CASK: variants seen among roughly 807,000 people sequenced by gnomAD.
CASK encodes calcium/calmodulin dependent serine protein kinase.
In CASK, 4 loss-of-function variants were observed where a neutral mutation model predicts 82.9. The observed-to-expected ratio is 0.05, with a 90% CI of 0.02 to 0.11. The LOEUF is 0.11. Among genes scored for constraint, CASK ranks in the 10% least tolerant of loss-of-function variants. The probability of loss-of-function intolerance (pLI) is 1.00; values close to 1 mark genes in which losing one functional copy is unlikely to be tolerated. For missense variants in CASK, 358 were observed against 720.9 expected (o/e 0.50, Z 5.76); for synonymous variants, 259 against 253.5 (o/e 1.02, Z -0.20).
chrX:41,677,951 C>T (rs996764693), intron 5 of CASK, among the ~76,000 whole-genome samples: 12 of 112,443 alleles, frequency 1.1e-4, no homozygotes, highest in Non-Finnish European at 2.1e-4. Context: ...CTATCCCCAA[C>T]TGTTTACTTT....
Position 41,862,542 on chromosome X carries a change from GAAAAAAAAAAA to G in CASK, c.60-9326_60-9316del, listed in dbSNP as rs35462461. 3.3e-4 allele frequency among the ~76,000 whole-genome samples: 11 copies of G among 32,871 alleles called. No individual in the cohort carries two copies. The South Asian group carries it at 0.012, about 36-fold the overall frequency. The allele number at this position is 32,871 out of a possible 115,157, so 28.5% of individuals were successfully genotyped here. On this transcript the variant is annotated intron_variant, in intron 1 of 26. Transcript: ENST00000378163. ...GGCAACAGAGCAAGGCTCTGTCTCA[GAAAAAAAAAAA>G]AAAAAAAAAAAAAGTGTGTGCTGGG...
chrX:41,605,925 C>T (rs985908406), intron 12 of CASK, among the ~76,000 whole-genome samples: 1 of 111,246 alleles, frequency 9.0e-6, no homozygotes, highest in African/African-American at 3.3e-5. Flanking sequence ...GTGATCCTCC[C>T]GCCTCGGCCT....
In CASK at chrX:41,518,655, T is replaced by C. The variant is rs987750391; in HGVS notation, c.*1765A>G. The C allele has an allele frequency of 2.7e-5, 3 of 110,563 alleles. No homozygotes were observed. Among genetic ancestry groups the C allele is most frequent in the African/African-American group, 9.9e-5 (3 of 30,432 alleles). 9.1% of individuals were successfully genotyped at this position (110,563 alleles called of 1,213,427 possible). Reference sequence around the variant, plus strand: ...GAAGTATACTAATGCCTTCTCTGTTTGGTCCTTTAAGAGGAGCTGTTCAGC... The same window carrying C: ...GAAGTATACTAATGCCTTCTCTGTTCGGTCCTTTAAGAGGAGCTGTTCAGC... On this transcript the variant is annotated 3_prime_UTR_variant, in exon 27 of 27. Transcript: ENST00000378163.
chrX:41,662,186 A>T lies in CASK; in HGVS notation c.709-1625T>A, dbSNP rs1602426996. ...ACAATCTTACTTATTTGAATACCAA[A>T]CCCATAGCAGCTTAGAATCTTGCTG... is the stretch of plus-strand genomic sequence containing the variant. On this transcript the variant is annotated intron_variant, in intron 7 of 26. Coordinates refer to ENST00000378163, the MANE Select transcript of CASK (RefSeq NM_001367721.1). Among the ~76,000 whole-genome samples, 4 of 111,617 alleles carry T rather than the reference A, an allele frequency of 3.6e-5. 1 individual carries two copies. In the Admixed American group the frequency reaches 3.8e-4, roughly 11 times the overall value.
At chrX:41,883,431 G>A (rs904086467) in intron 1 of CASK, among the ~76,000 whole-genome samples, 1 of 111,171 alleles carries the variant, frequency 9.0e-6, no homozygotes, top group Non-Finnish European at 1.9e-5. Flanking sequence ...TTCAGGACAG[G>A]AAAGAAAACT....
intron 1 of CASK, among the ~76,000 whole-genome samples, chrX:41,878,033 G>A: frequency 9.6e-6 from 1 of 103,888 alleles, no homozygotes. Context: ...TTCATGAGGT[G>A]TGAAGATATG....
chrX:41,640,433 A>G (rs1307558418), intron 8 of CASK, among the ~76,000 whole-genome samples: 1 of 110,923 alleles, frequency 9.0e-6, no homozygotes, highest in East Asian at 2.8e-4. Context: ...CGATCTCCTG[A>G]CCTTGTGATC....
At chrX:41,917,959 T>C (rs1282687748) in intron 1 of CASK, among the ~76,000 whole-genome samples, 1 of 111,850 alleles carries the variant, frequency 8.9e-6, no homozygotes, top group Non-Finnish European at 1.9e-5. Flanking sequence ...GCATTCTTTC[T>C]GGGCCACCAA....
chrX:41,523,484 T>C (rs1227604570), intron 26 of CASK, among the ~76,000 whole-genome samples: 4 of 112,833 alleles, frequency 3.5e-5, no homozygotes, highest in Non-Finnish European at 7.5e-5. Flanking sequence ...CTGCTACACT[T>C]AGCAGACACA....
intron 9 of CASK, among the ~76,000 whole-genome samples, chrX:41,627,326 C>T (rs928825680): frequency 8.9e-5 from 10 of 112,307 alleles, no homozygotes; most frequent in Admixed American, 4.7e-4. Flanking sequence ...TTGGAAATCA[C>T]TGCCATTTGA....
intron 8 of CASK, among the ~76,000 whole-genome samples, chrX:41,649,975 T>C (rs1347527334): frequency 8.9e-6 from 1 of 111,833 alleles, no homozygotes; most frequent in Non-Finnish European, 1.9e-5. Flanking sequence ...TTAGCTCTTC[T>C]TGTTGAATTG....
At chrX:41,665,648 T>C (rs1024746809) in intron 6 of CASK, 196 bp from the exon 7 acceptor site, 15 of 446,774 alleles carry the variant, frequency 3.4e-5, no homozygotes, top group Non-Finnish European at 5.4e-5. Flanking sequence ...CCTGAAAACA[T>C]TGAGCCCAGA....
At chrX:41,578,195 G>C (rs928606147) in intron 15 of CASK, 145 bp downstream of exon 15, 1 of 444,797 alleles carries the variant, frequency 2.2e-6, no homozygotes, top group African/African-American at 2.5e-5. Context: ...GGGCAGGGGG[G>C]AACTGAAGAT....
intron 1 of CASK, among the ~76,000 whole-genome samples, chrX:41,910,910 G>A (rs2072552589): frequency 9.0e-6 from 1 of 111,503 alleles, no homozygotes; most frequent in African/African-American, 3.3e-5. Flanking sequence ...CCTATAATAT[G>A]TATGGTTGGT....
At chrX:41,655,298 G>A (rs958298811) in intron 8 of CASK, among the ~76,000 whole-genome samples, 2 of 110,843 alleles carry the variant, frequency 1.8e-5, no homozygotes, top group Admixed American at 9.6e-5. Context: ...CCATCTGCTC[G>A]CCCTTTGCAG....
intron 2 of CASK, among the ~76,000 whole-genome samples, chrX:41,823,471 T>C (rs1313662607): frequency 9.0e-6 from 1 of 111,080 alleles, no homozygotes; most frequent in East Asian, 2.8e-4. Flanking sequence ...TCTAGCCATT[T>C]GAAAATTATC....
chrX:41,574,201 T>C (rs1409177154), intron 15 of CASK, among the ~76,000 whole-genome samples: 1 of 110,907 alleles, frequency 9.0e-6, no homozygotes, highest in Non-Finnish European at 1.9e-5. Context: ...TGAACTCTAG[T>C]TGCTTTGGTC....
intron 4 of CASK, among the ~76,000 whole-genome samples, chrX:41,740,995 G>A (rs868570632): frequency 1.8e-5 from 2 of 111,583 alleles, no homozygotes; most frequent in Non-Finnish European, 3.8e-5. Context: ...CGATTTTCCC[G>A]CCTCAGCCTC....
At chrX:41,637,544 T>C (rs2066578650) in intron 8 of CASK, among the ~76,000 whole-genome samples, 2 of 103,936 alleles carry the variant, frequency 1.9e-5, no homozygotes, top group South Asian at 9.6e-4. Context: ...TGTTGGAGCC[T>C]GGGAGGTTGA....
Sources: gnomAD v4.1 joint callset for allele counts (sites outside exome capture counted in the v4.1 genomes callset) on GRCh38, gnomAD v4.1.1 for gene constraint, MANE v1.5 for transcripts, NCBI Gene and HGNC (gene_info 2026-07-23, HGNC 2026-07-21) for gene names.